Variants in MGAT4D observed in about 807,000 individuals in gnomAD.
MGAT4D encodes MGAT4 family member D.
A neutral mutation model predicts 15.9 loss-of-function variants in MGAT4D; 34 were observed. That is an observed-to-expected ratio of 2.14 (90% CI 1.62 to 2.84). The LOEUF (loss-of-function observed/expected upper bound fraction) is 2.84. Ranked by LOEUF, MGAT4D falls within the 30% of genes most tolerant of loss-of-function variation. The probability of loss-of-function intolerance (pLI) is 0.00; values close to 1 mark genes in which losing one functional copy is unlikely to be tolerated. For missense variants in MGAT4D, 327 were observed against 140.2 expected, an observed-to-expected ratio of 2.33 and a Z score of -6.73; for synonymous variants, 112 against 48.2, an observed-to-expected ratio of 2.33 and a Z score of -5.49.
At chr4:140,474,454 C>T (rs991400778) in intron 4 of MGAT4D, among the ~76,000 whole-genome samples, 2 of 152,146 alleles carry the variant, frequency 1.3e-5, no homozygotes, top group Non-Finnish European at 2.9e-5. Flanking sequence ...GGACTGGGCA[C>T]ATTTTATTAC....
chr4:140,496,502 TC>T (rs765321998), intron 1 of MGAT4D, among the ~76,000 whole-genome samples: 3 of 152,172 alleles, frequency 2.0e-5, no homozygotes, highest in Admixed American at 6.5e-5. Flanking sequence ...CATTATAAAA[TC>T]ATTAATGGTA....
intron 8 of MGAT4D, chr4:140,458,229 C>T (rs1374738264): frequency 6.6e-6 from 1 of 152,142 alleles, no homozygotes; most frequent in Non-Finnish European, 1.5e-5. Flanking sequence ...GTCTGCCACT[C>T]AGGAAATAGA....
chr4:140,446,743 G>GTT (rs149442061), intron 10 of MGAT4D, among the ~76,000 whole-genome samples: 1 of 8,170 alleles, frequency 1.2e-4, no homozygotes. Context: ...TGCTTCTCTA[G>GTT]TTTTTTTTTT....
intron 1 of MGAT4D, among the ~76,000 whole-genome samples, chr4:140,489,042 T>C (rs1733336251): frequency 6.6e-6 from 1 of 152,208 alleles, no homozygotes; most frequent in African/African-American, 2.4e-5. Flanking sequence ...CAGTCTCAGA[T>C]ATTTCTTTAT....
intron 5 of MGAT4D, among the ~76,000 whole-genome samples, chr4:140,466,703 T>C (rs1475922763): frequency 1.3e-5 from 2 of 152,176 alleles, no homozygotes; most frequent in African/African-American, 2.4e-5. Flanking sequence ...GTGATTTTTT[T>C]CCCATTGTTT....
intron 2 of MGAT4D, among the ~76,000 whole-genome samples, chr4:140,479,918 T>C (rs1732585791): frequency 6.6e-6 from 1 of 152,168 alleles, no homozygotes; most frequent in African/African-American, 2.4e-5. Flanking sequence ...TGAAACATGC[T>C]GTAATTGGCT....
intron 7 of MGAT4D, among the ~76,000 whole-genome samples, chr4:140,461,239 C>T (rs909835289): frequency 6.6e-6 from 1 of 152,080 alleles, no homozygotes; most frequent in Admixed American, 6.5e-5. Context: ...TTGCCACTAA[C>T]TAGGAATCAA....
chr4:140,449,994 T>C, intron 10 of MGAT4D: 1 of 255,856 alleles, frequency 3.9e-6, no homozygotes, highest in Non-Finnish European at 7.3e-6. Context: ...AGGATTAATA[T>C]TTTAAAATAT....
At chr4:140,496,847 A>T (rs1422053806) in intron 1 of MGAT4D, among the ~76,000 whole-genome samples, 1 of 151,860 alleles carries the variant, frequency 6.6e-6, no homozygotes, top group East Asian at 1.9e-4. Flanking sequence ...TAAAAAAAAA[A>T]TTACTATAAA....
In MGAT4D at chr4:140,478,131, G is replaced by A. The variant is rs115168622; in HGVS notation, c.391+1359C>T. On this transcript the variant is annotated intron_variant, in intron 3 of 10. Transcript: ENST00000511113. Reference sequence around the variant, plus strand: ...GCCACCAAAAGGGCCTCAAAAGAAGGATAAATACGTACACCATGATTGGAG... The same window carrying A: ...GCCACCAAAAGGGCCTCAAAAGAAGAATAAATACGTACACCATGATTGGAG... 9.5e-3 allele frequency among the ~76,000 whole-genome samples: 1,439 copies of A among 152,192 alleles called. 10 individuals are homozygous for A. Among genetic ancestry groups the A allele is most frequent in the Non-Finnish European group, 0.012 (844 of 68,010 alleles).
At chr4:140,472,584 C>T (rs1732039523) in intron 4 of MGAT4D, among the ~76,000 whole-genome samples, 1 of 152,148 alleles carries the variant, frequency 6.6e-6, no homozygotes. Flanking sequence ...GTAGATAAAT[C>T]TCTTATAGTA....
At chr4:140,458,095 C>T (rs989452933) in intron 8 of MGAT4D, 1 of 152,134 alleles carries the variant, frequency 6.6e-6, no homozygotes, top group African/African-American at 2.4e-5. Flanking sequence ...GAGCGTAAAC[C>T]GTATAACCAA....
intron 9 of MGAT4D, among the ~76,000 whole-genome samples, chr4:140,455,518 G>A (rs1730739321): frequency 6.6e-6 from 1 of 152,062 alleles, no homozygotes; most frequent in Admixed American, 6.5e-5. Flanking sequence ...TCTGTTTTTT[G>A]AGAATGTATT....
rs531063112 is a variant in MGAT4D, at chr4:140,467,807, G to A, written c.573-2798C>T. ...GAGTGGAAATCTTACAACTCTATAG[G>A]TTTATGTAAAGTGTATAGTTATATA... On this transcript the variant is annotated intron_variant, in intron 5 of 10. Coordinates refer to ENST00000511113, the MANE Select transcript of MGAT4D (RefSeq NM_001277353.2). Among the ~76,000 whole-genome samples, 4 of 151,956 alleles carry A rather than the reference G, an allele frequency of 2.6e-5. No individual in the cohort carries two copies. The South Asian group carries it at 8.3e-4, about 32-fold the overall frequency.
intron 9 of MGAT4D, among the ~76,000 whole-genome samples, chr4:140,453,153 C>T (rs921091022): frequency 2.6e-5 from 4 of 152,064 alleles, no homozygotes; most frequent in Admixed American, 6.6e-5. Flanking sequence ...ATTACTGTAG[C>T]TTTGTAGTAA....
At position 140,461,988 on chromosome 4, in the gene MGAT4D, C is replaced by T. The variant is rs1731218300; in HGVS notation, c.703G>A (p.Val235Ile). ...QKLASWRIKQVLDFCILLLYA... is the reference protein window; with the variant it reads ...QKLASWRIKQILDFCILLLYA... ...AGCAACAAAATGCAAAAATCCAATA[C>T]CTGTTTGATTCGCCAACTAAAGGTA... Residue 235 changes from valine (V) to isoleucine (I), a missense_variant, in exon 7 of 11, where the codon GTA becomes ATA. Transcript: ENST00000511113. The T allele has an allele frequency of 1.4e-6, 1 of 700,218 alleles. No homozygotes were observed. 43.4% of individuals were successfully genotyped at this position (700,218 alleles called of 1,614,324 possible). A position where few individuals can be genotyped will look rare whatever the true frequency, so the allele number is the denominator to read the frequency against.
intron 5 of MGAT4D, among the ~76,000 whole-genome samples, chr4:140,469,223 C>A (rs2126767421): frequency 6.6e-6 from 1 of 152,302 alleles, no homozygotes; most frequent in South Asian, 2.1e-4. Flanking sequence ...AACCCCAAAT[C>A]AGTTTCCTTC....
chr4:140,443,067 A>G lies in MGAT4D; in HGVS notation c.*369T>C, dbSNP rs1381774036. 6.5e-6 allele frequency: 1 copy of G among 154,228 alleles called. No individual in the cohort carries two copies. The highest frequency in any genetic ancestry group is 2.4e-5 in the African/African-American group (1 of 41,586). The allele number at this position is 154,228 out of a possible 1,614,324, so 9.6% of individuals were successfully genotyped here. A position where few individuals can be genotyped will look rare whatever the true frequency, so the allele number is the denominator to read the frequency against. ...TTCTTTAGGTGTCTTAACAAAATGG[A>G]TAACGGCATATACCAATTCACCCCA... On this transcript the variant is annotated 3_prime_UTR_variant, in exon 11 of 11. Coordinates refer to ENST00000511113, the MANE Select transcript of MGAT4D (RefSeq NM_001277353.2).
Position 140,469,479 on chromosome 4 carries a change from T to C in MGAT4D, c.572+2296A>G, listed in dbSNP as rs553700814. 3.3e-5 allele frequency among the ~76,000 whole-genome samples: 5 copies of C among 152,332 alleles called. No homozygotes were observed. In the South Asian group the frequency reaches 1.0e-3, roughly 32 times the overall value. On this transcript the variant is annotated intron_variant, in intron 5 of 10. Coordinates refer to ENST00000511113, the MANE Select transcript of MGAT4D (RefSeq NM_001277353.2). Reference sequence around the variant, plus strand: ...TCCCCAGTCGTCTAAAAAGTGCCTATTTTGGGGGAGTAGGCGCTCAAACAA... The same window carrying C: ...TCCCCAGTCGTCTAAAAAGTGCCTACTTTGGGGGAGTAGGCGCTCAAACAA...
Sources: gnomAD v4.1 joint callset for allele counts (sites outside exome capture counted in the v4.1 genomes callset) on GRCh38, gnomAD v4.1.1 for gene constraint, MANE v1.5 for transcripts, NCBI Gene and HGNC (gene_info 2026-07-23, HGNC 2026-07-21) for gene names.